The following CUL1 variants were observed in gnomAD, a reference collection of about 807,000 sequenced individuals.
CUL1 encodes cullin-1.
Under a neutral mutation model 118.0 loss-of-function variants are expected in CUL1, and 24 were observed. That is an observed-to-expected ratio of 0.20 (90% CI 0.15 to 0.29). The LOEUF (loss-of-function observed/expected upper bound fraction) is 0.29, where lower values mean the gene tolerates loss of function less well. Ranked by LOEUF, CUL1 falls within the 10% of genes least tolerant of loss-of-function variation. The pLI, the probability that CUL1 is intolerant of heterozygous loss-of-function variation, is 1.00. For missense variants in CUL1, 361 were observed against 933.8 expected (o/e 0.39, Z 7.99); for synonymous variants, 332 against 340.4 (o/e 0.98, Z 0.27).
chr7:148,724,759 A>G (rs769397603), intron 1 of CUL1, among the ~76,000 whole-genome samples: 4 of 152,152 alleles, frequency 2.6e-5, no homozygotes, highest in Non-Finnish European at 5.9e-5. Context: ...ATTCATAACC[A>G]CACTTGGCAA....
chr7:148,750,036 ACT>A lies in CUL1; in HGVS notation c.141-3935_141-3934del, dbSNP rs1197188156. 1.2e-4 allele frequency among the ~76,000 whole-genome samples: 19 copies of A among 152,364 alleles called. No homozygotes were observed. In the East Asian group the frequency reaches 1.3e-3, roughly 11 times the overall value. On this transcript the variant is annotated intron_variant, in intron 2 of 21. Coordinates refer to ENST00000325222, the MANE Select transcript of CUL1 (RefSeq NM_003592.3). ...GTGCCTAATCCAGAGCAAGGCCCTA[ACT>A]CTCTGCAATTCTGTAAAGGCTGGGA... is the stretch of plus-strand genomic sequence containing the variant.
At chr7:148,714,898 T>TTG (rs1310755356) in intron 1 of CUL1, among the ~76,000 whole-genome samples, 1 of 152,170 alleles carries the variant, frequency 6.6e-6, no homozygotes, top group Non-Finnish European at 1.5e-5. Context: ...TTTGTTTGTT[T>TTG]TGTGTGTGAG....
At position 148,788,650 on chromosome 7, in the gene CUL1, T is replaced by C. The variant is rs760298997; in HGVS notation, c.1573T>C (p.Leu525=). 6.2e-7 allele frequency: 1 copy of C among 1,613,482 alleles called. No homozygotes were observed. The highest frequency in any genetic ancestry group is 1.1e-5 in the South Asian group (1 of 91,068). The change falls in exon 14 of 22, where the codon TTG becomes CTG. Residue 525 remains leucine (L), a synonymous_variant. Transcript: ENST00000325222. ...TCTGAACGAGCAATTCAAAAAGCAC[T>C]TGACAAACTCAGAACCCCTAGACTG... ...KDLNEQFKKH[L]TNSEPLDLDF...
At chr7:148,789,616 C>T (rs1254381624) in intron 14 of CUL1, 134 bp from the exon 15 acceptor site, 3 of 711,476 alleles carry the variant, frequency 4.2e-6, no homozygotes, top group African/African-American at 3.6e-5. Context: ...ATTTTATATT[C>T]AAGCAGGATT....
At position 148,761,996 on chromosome 7, in the gene CUL1, G is replaced by A. The variant is rs189552978; in HGVS notation, c.789+1500G>A. Among the ~76,000 whole-genome samples, 380 of 152,298 alleles carry A rather than the reference G, an allele frequency of 2.5e-3. 3 individuals are homozygous for A. The highest frequency in any genetic ancestry group is 4.6e-3 in the Non-Finnish European group (313 of 68,028). The stretch of plus-strand genomic sequence containing the variant: ...TGCCGTCCCTGATCTGACAGGAGGC[G>A]GAGCTCAGGTAGTAATGCTCACTCA... On this transcript the variant is annotated intron_variant, in intron 7 of 21. Coordinates refer to ENST00000325222, the MANE Select transcript of CUL1 (RefSeq NM_003592.3).
chr7:148,739,648 T>C (rs191663173), intron 2 of CUL1, among the ~76,000 whole-genome samples: 83 of 152,378 alleles, frequency 5.4e-4, no homozygotes, highest in Non-Finnish European at 9.0e-4. Flanking sequence ...TTGTCAGATA[T>C]ATTTTGCTAA....
At chr7:148,786,207 G>T (rs1441581016) in intron 11 of CUL1, among the ~76,000 whole-genome samples, 1 of 152,190 alleles carries the variant, frequency 6.6e-6, no homozygotes, top group African/African-American at 2.4e-5. Context: ...AATTACAGCA[G>T]ACTAGAAAGC....
At chr7:148,763,138 CT>C (rs1411771319) in intron 7 of CUL1, among the ~76,000 whole-genome samples, 7 of 151,568 alleles carry the variant, frequency 4.6e-5, no homozygotes, top group African/African-American at 1.7e-4. Context: ...CAGAGTGAGA[CT>C]CTGTCTCAAA....
chr7:148,800,612 C>T lies in CUL1; in HGVS notation c.*30C>T, dbSNP rs369898903. On this transcript the variant is annotated 3_prime_UTR_variant, in exon 22 of 22. Coordinates refer to ENST00000325222, the MANE Select transcript of CUL1 (RefSeq NM_003592.3). This position sits in a 1 kb window ranked among gnomAD's most constrained non-coding sequence, Gnocchi z 4.6. Reference sequence around the variant, plus strand: ...TCTGGAAGGGTCTGACTGTGTGACCCGCAGCAAATAGTTCATGTTGGAAAG... The same window carrying T: ...TCTGGAAGGGTCTGACTGTGTGACCTGCAGCAAATAGTTCATGTTGGAAAG... 239 of 1,522,618 alleles carry T rather than the reference C, an allele frequency of 1.6e-4. No homozygotes were observed. Among genetic ancestry groups the T allele is most frequent in the Non-Finnish European group, 2.0e-4 (215 of 1,100,130 alleles). The allele number at this position is 1,522,618 out of a possible 1,614,324, so 94.3% of individuals were successfully genotyped here. A position where few individuals can be genotyped will look rare whatever the true frequency, so the allele number is the denominator to read the frequency against.
At chr7:148,780,960 TGACTA>T (rs1321292822) in intron 9 of CUL1, among the ~76,000 whole-genome samples, 1 of 152,150 alleles carries the variant, frequency 6.6e-6, no homozygotes, top group Non-Finnish European at 1.5e-5. Context: ...CTCTATTTGC[TGACTA>T]GTTCCTTAAA....
intron 4 of CUL1, among the ~76,000 whole-genome samples, chr7:148,757,967 G>T (rs904643291): frequency 3.3e-5 from 5 of 152,212 alleles, no homozygotes; most frequent in Non-Finnish European, 5.9e-5. Flanking sequence ...TGGGAATTAC[G>T]GGAGCTATAG....
chr7:148,708,411 C>T (rs923321062), intron 1 of CUL1, among the ~76,000 whole-genome samples: 7 of 152,226 alleles, frequency 4.6e-5, no homozygotes, highest in African/African-American at 1.2e-4. Flanking sequence ...CTTACTAGTT[C>T]CTCCCCCATA....
intron 1 of CUL1, among the ~76,000 whole-genome samples, chr7:148,703,945 T>G (rs867818778): frequency 1.3e-5 from 2 of 152,118 alleles, no homozygotes; most frequent in Non-Finnish European, 2.9e-5. Flanking sequence ...AGCATGGCGA[T>G]CTCAAGATGG....
chr7:148,737,623 G>C (rs1799000812), intron 2 of CUL1, among the ~76,000 whole-genome samples: 1 of 145,356 alleles, frequency 6.9e-6, no homozygotes, highest in Non-Finnish European at 1.5e-5. Context: ...TATTTTCAGA[G>C]GGCGCCTCAC....
At chr7:148,731,656 C>G (rs1000638730) in intron 2 of CUL1, among the ~76,000 whole-genome samples, 1 of 152,142 alleles carries the variant, frequency 6.6e-6, no homozygotes, top group Non-Finnish European at 1.5e-5. Flanking sequence ...CACCCCAAAA[C>G]GACACCTTGT....
At chr7:148,730,325 T>G in intron 2 of CUL1, 63 bp downstream of exon 2, 2 of 1,494,252 alleles carry the variant, frequency 1.3e-6, no homozygotes, top group Non-Finnish European at 1.8e-6. Context: ...GTATGACTTA[T>G]GAATTATTAG....
chr7:148,739,423 T>TC (rs1799069371), intron 2 of CUL1, among the ~76,000 whole-genome samples: 2 of 152,214 alleles, frequency 1.3e-5, no homozygotes, highest in Admixed American at 1.3e-4. Context: ...GCACAGTTGA[T>TC]CCTGTTCTTT....
chr7:148,701,256 A>C (rs2129458726), intron 1 of CUL1, among the ~76,000 whole-genome samples: 1 of 152,316 alleles, frequency 6.6e-6, no homozygotes, highest in African/African-American at 2.4e-5. Flanking sequence ...AAGCCGGTTA[A>C]GAATTCAAGC....
In CUL1 at chr7:148,754,114, G is replaced by C; in HGVS notation, c.279G>C (p.Lys93Asn). Reference sequence around the variant, plus strand: ...GCCTGGAATTATATAAACGACTTAAGGAATTTTTGAAGAATTACTTGACAA... The same window carrying C: ...GCCTGGAATTATATAAACGACTTAACGAATTTTTGAAGAATTACTTGACAA... ...FVGLELYKRL[K>N]EFLKNYLTNL... The change falls in exon 3 of 22, where the codon AAG (lysine) becomes AAC (asparagine). Residue 93 changes from lysine to asparagine, a missense_variant. This residue lies in a region of CUL1 where 49 missense variants were observed against 67.4 expected (regional missense o/e 0.73). Transcript: ENST00000325222. The C allele has an allele frequency of 6.2e-7, 1 of 1,611,186 alleles. No individual in the cohort carries two copies.
Sources: gnomAD v4.1 joint callset for allele counts (sites outside exome capture counted in the v4.1 genomes callset) on GRCh38, gnomAD v4.1.1 for gene constraint, gnomAD v4.1.1 regional missense constraint, Gnocchi (gnomAD v3.1) non-coding constraint, MANE v1.5 for transcripts, NCBI Gene and HGNC (gene_info 2026-07-23, HGNC 2026-07-21) for gene names.